Variants in KIF4B observed in about 807,000 individuals in gnomAD.
KIF4B encodes kinesin family member 4B.
KIF4B carries 60 observed loss-of-function variants against 69.0 expected under a neutral mutation model. The observed-to-expected ratio is 0.87, with a 90% CI of 0.71 to 1.08. The LOEUF is 1.08. KIF4B is among the 50% of genes least tolerant of loss of function. The pLI, the probability that KIF4B is intolerant of heterozygous loss-of-function variation, is 0.00. For missense variants in KIF4B, 1,357 were observed against 1,451.9 expected (o/e 0.93, Z 1.06); for synonymous variants, 489 against 533.0 (o/e 0.92, Z 1.14).
Position 155,014,437 on chromosome 5 carries a change from AG to A in KIF4B, c.581del (p.Gly194AlafsTer12), listed in dbSNP as rs745685271. 4.3e-6 allele frequency: 7 copies of A among 1,614,174 alleles called. No homozygotes were observed. The highest frequency in any genetic ancestry group is 3.3e-5 in the Admixed American group (2 of 60,026). On this transcript the variant is annotated frameshift_variant, in exon 1 of 1. Coordinates refer to ENST00000435029, the MANE Select transcript of KIF4B (RefSeq NM_001099293.3). LOFTEE classifies it high-confidence loss of function. ...TTGGATACTGTTTCCTGTTTGGAGC[AG>A]GGCAACAACTCTAGGACTGTGGCCT... Reference protein sequence around the residue: ...VALDTVSCLEQGNNSRTVAST... With the variant: ...VALDTVSCLEXGNNSRTVAST...
rs754582744 is a variant in KIF4B at position 155,017,097 on chromosome 5, G to C, written c.3238G>C (p.Val1080Leu). The C allele has an allele frequency of 6.2e-7, 1 of 1,614,124 alleles. No individual in the cohort carries two copies. Among genetic ancestry groups the C allele is most frequent in the Non-Finnish European group, 8.5e-7 (1 of 1,179,976 alleles). Reference protein sequence around the residue: ...EEWKPTKLVKVSRKNIQGCSC... With the variant: ...EEWKPTKLVKLSRKNIQGCSC... ...ATGGAAGCCAACAAAATTAGTCAAG[G>C]TGTCCAGGAAGAACATCCAAGGGTG... The change falls in exon 1 of 1, where the codon GTG (valine) becomes CTG (leucine). Residue 1080 changes from valine to leucine, a missense_variant. Physicochemically the swap from Val to Leu is conservative, Grantham distance 32 (BLOSUM62 1). Transcript: ENST00000435029.
In KIF4B at chr5:155,017,480, T is replaced by A. The variant is rs1328381226; in HGVS notation, c.3621T>A (p.Pro1207=). 6.2e-7 allele frequency: 1 copy of A among 1,613,832 alleles called. No homozygotes were observed. The highest frequency in any genetic ancestry group is 8.5e-7 in the Non-Finnish European group (1 of 1,179,988). Residue 1207 remains proline, a synonymous_variant, in exon 1 of 1, where the codon CCT becomes CCA. Transcript: ENST00000435029. ...HGATEYQQNK[P]PGKKKKRALA... is the part of the protein sequence containing the mutation. ...CAACAGAATACCAACAAAATAAGCC[T>A]CCAGGGAAGAAAAAGAAACGAGCTC...
At position 155,014,066 on chromosome 5, in the gene KIF4B, A is replaced by T; in HGVS notation, c.207A>T (p.Val69=). 8.7e-6 allele frequency: 14 copies of T among 1,614,230 alleles called. No homozygotes were observed. Among genetic ancestry groups the T allele is most frequent in the Non-Finnish European group, 1.2e-5 (14 of 1,180,038 alleles). The change falls in exon 1 of 1, where the codon GTA becomes GTT. Residue 69 remains valine (V), a synonymous_variant. Transcript: ENST00000435029. ...TEQEEVFNKA[V]APLIKGIFKG... ...AGGAAGAAGTCTTCAATAAAGCAGT[A>T]GCGCCGCTCATAAAAGGCATATTTA...
Position 155,016,600 on chromosome 5 carries a change from C to CAG in KIF4B, c.2744_2745dup (p.Leu916SerfsTer34). On this transcript the variant is annotated frameshift_variant, in exon 1 of 1. Transcript: ENST00000435029. LOFTEE classifies it low-confidence loss of function (END_TRUNC). ...CAAAATCATTTTTCTGAGATAGAGA[C>CAG]AGAGTTACAAGCTGAGCTGGTCAGA... 6.2e-7 allele frequency: 1 copy of CAG among 1,614,150 alleles called. No individual in the cohort carries two copies. The highest frequency in any genetic ancestry group is 8.5e-7 in the Non-Finnish European group (1 of 1,180,032).
In KIF4B at chr5:155,014,882, T is replaced by C; in HGVS notation, c.1023T>C (p.Ile341=). The change falls in exon 1 of 1, where the codon ATT becomes ATC. Residue 341 remains isoleucine (I), a synonymous_variant. Transcript: ENST00000435029. Reference sequence around the variant, plus strand: ...CAAGAAAAATCAAGAACAAACCTATTGTTAATATTGATCCCCACACAGCTG... The same window carrying C: ...CAAGAAAAATCAAGAACAAACCTATCGTTAATATTGATCCCCACACAGCTG... ...DRARKIKNKP[I]VNIDPHTAEL... 1 of 1,614,062 alleles carries C rather than the reference T, an allele frequency of 6.2e-7. No individual in the cohort carries two copies. The highest frequency in any genetic ancestry group is 8.5e-7 in the Non-Finnish European group (1 of 1,180,012).
In KIF4B at chr5:155,015,408, C is replaced by T. The variant is rs769646905; in HGVS notation, c.1549C>T (p.Leu517Phe). 1 of 1,614,184 alleles carries T rather than the reference C, an allele frequency of 6.2e-7. No individual in the cohort carries two copies. Among genetic ancestry groups the T allele is most frequent in the Non-Finnish European group, 8.5e-7 (1 of 1,180,036 alleles). ...SSDAFTTQHA[L>F]HQAQMSKEVV... is the part of the protein sequence containing the mutation. ...TGACGCTTTTACCACTCAGCATGCT[C>T]TCCATCAAGCTCAGATGTCTAAGGA... Residue 517 changes from leucine to phenylalanine, a missense_variant, in exon 1 of 1, where the codon CTC (leucine) becomes TTC (phenylalanine). Coordinates refer to ENST00000435029, the MANE Select transcript of KIF4B (RefSeq NM_001099293.3).
Position 155,017,865 on chromosome 5 carries a change from G to A in KIF4B, c.*301G>A, listed in dbSNP as rs1277449707. 2.6e-6 allele frequency: 1 copy of A among 381,538 alleles called. No individual in the cohort carries two copies. The highest frequency in any genetic ancestry group is 2.1e-5 in the African/African-American group (1 of 48,652). The allele number at this position is 381,538 out of a possible 1,614,324, so 23.6% of individuals were successfully genotyped here. A position where few individuals can be genotyped will look rare whatever the true frequency, so the allele number is the denominator to read the frequency against. ...AGTATGATCAAGTTCCTTCTTATTT[G>A]TGAGCAGTTCAGGCTATCTCCTGAT... On this transcript the variant is annotated 3_prime_UTR_variant, in exon 1 of 1. Transcript: ENST00000435029.
chr5:155,015,992 C>T lies in KIF4B; in HGVS notation c.2133C>T (p.Asn711=), dbSNP rs1184441069. ...RRKTEEAAAA[N]KRLKDALQKQ... ...AAACGGAAGAGGCAGCAGCTGCCAA[C>T]AAGCGACTCAAGGATGCTCTCCAGA... Residue 711 remains asparagine, a synonymous_variant, in exon 1 of 1, where the codon AAC becomes AAT. Coordinates refer to ENST00000435029, the MANE Select transcript of KIF4B (RefSeq NM_001099293.3). The T allele has an allele frequency of 1.9e-6, 3 of 1,614,052 alleles. No individual in the cohort carries two copies. The highest frequency in any genetic ancestry group is 2.5e-6 in the Non-Finnish European group (3 of 1,180,046).
In KIF4B at chr5:155,015,891, C is replaced by A; in HGVS notation, c.2032C>A (p.Arg678=). ...KDKEVIQLKE[R]DRKRQYELLK... ...CAAAGAAGTAATACAGTTGAAAGAA[C>A]GAGACCGTAAGAGGCAATATGAGCT... The change falls in exon 1 of 1, where the codon CGA becomes AGA. Residue 678 remains arginine, a synonymous_variant. Transcript: ENST00000435029. 15 of 1,614,170 alleles carry A rather than the reference C, an allele frequency of 9.3e-6. No homozygotes were observed. The highest frequency in any genetic ancestry group is 1.3e-5 in the African/African-American group (1 of 75,034).
In KIF4B at chr5:155,016,122, G is replaced by A. The variant is rs41390849; in HGVS notation, c.2263G>A (p.Val755Ile). 232,927 of 1,614,012 alleles carry A rather than the reference G, an allele frequency of 0.14. 17,997 individuals are homozygous for A. Among genetic ancestry groups the A allele is most frequent in the South Asian group, 0.2 (18,250 of 91,066 alleles). The change falls in exon 1 of 1, where the codon GTC becomes ATC. Residue 755 changes from valine (V) to isoleucine (I), a missense_variant. By Grantham distance (29) the Val-to-Ile change is conservative (BLOSUM62 3). Transcript: ENST00000435029. ...GCTTGGAAATGAAATTGAGGTTATG[G>A]TCAGTACTGAGGAAGCCAAACGCCA... is the stretch of plus-strand genomic sequence containing the variant. ...NWLGNEIEVMVSTEEAKRHLN... is the reference protein window; with the variant it reads ...NWLGNEIEVMISTEEAKRHLN...
chr5:155,017,495 G>C lies in KIF4B; in HGVS notation c.3636G>C (p.Lys1212Asn). 1 of 1,614,052 alleles carries C rather than the reference G, an allele frequency of 6.2e-7. No individual in the cohort carries two copies. Among genetic ancestry groups the C allele is most frequent in the East Asian group, 2.2e-5 (1 of 44,868 alleles). The change falls in exon 1 of 1, where the codon AAG becomes AAC. Residue 1212 changes from lysine to asparagine, a missense_variant. By Grantham distance (94) the Lys-to-Asn change is moderately conservative. Coordinates refer to ENST00000435029, the MANE Select transcript of KIF4B (RefSeq NM_001099293.3). Reference protein sequence around the residue: ...YQQNKPPGKKKKRALASNTSF... With the variant: ...YQQNKPPGKKNKRALASNTSF... ...AAAATAAGCCTCCAGGGAAGAAAAAGAAACGAGCTCTGGCTAGCAACACCA... is the reference window on the plus strand; with the variant it reads ...AAAATAAGCCTCCAGGGAAGAAAAACAAACGAGCTCTGGCTAGCAACACCA...
rs1244767879 is a variant in KIF4B at position 155,016,776 on chromosome 5, A to T, written c.2917A>T (p.Met973Leu). 6.2e-7 allele frequency: 1 copy of T among 1,614,194 alleles called. No individual in the cohort carries two copies. The highest frequency in any genetic ancestry group is 1.3e-5 in the African/African-American group (1 of 75,056). Residue 973 changes from methionine to leucine, a missense_variant, in exon 1 of 1, where the codon ATG (methionine) becomes TTG (leucine). Met to Leu is a conservative substitution (Grantham distance 15). Coordinates refer to ENST00000435029, the MANE Select transcript of KIF4B (RefSeq NM_001099293.3). ...GTGTCAGGATGAAGAACTTGAGAAGATGCGAGAAGTGTGTGAGCAAAATCA... is the reference window on the plus strand; with the variant it reads ...GTGTCAGGATGAAGAACTTGAGAAGTTGCGAGAAGTGTGTGAGCAAAATCA... ...LQCQDEELEKMREVCEQNQQL... is the reference protein window; with the variant it reads ...LQCQDEELEKLREVCEQNQQL...
chr5:155,015,125 G>C lies in KIF4B; in HGVS notation c.1266G>C (p.Leu422Phe), dbSNP rs1390571720. 6 of 1,614,128 alleles carry C rather than the reference G, an allele frequency of 3.7e-6. No homozygotes were observed. The Admixed American group carries it at 8.3e-5, about 22-fold the overall frequency. ...QTAQMLERII[L>F]TEQVNEKLNA... is the part of the protein sequence containing the mutation. ...CCCAGATGTTGGAGAGGATCATTTT[G>C]ACAGAGCAAGTGAATGAAAAACTGA... Residue 422 changes from leucine to phenylalanine, a missense_variant, in exon 1 of 1, where the codon TTG becomes TTC. By Grantham distance (22) the Leu-to-Phe change is conservative. Coordinates refer to ENST00000435029, the MANE Select transcript of KIF4B (RefSeq NM_001099293.3).
rs1765291031 is a variant in KIF4B, at chr5:155,014,571, C to G, written c.712C>G (p.Leu238Val). ...KNCSFRSKLH[L>V]VDLAGSERQK... The stretch of plus-strand genomic sequence containing the variant: ...TTGCAGCTTTCGCTCCAAGCTGCAT[C>G]TTGTAGATCTCGCTGGATCAGAAAG... Residue 238 changes from leucine to valine, a missense_variant, in exon 1 of 1, where the codon CTT (leucine) becomes GTT (valine). By Grantham distance (32) the Leu-to-Val change is conservative. Transcript: ENST00000435029. 2 of 1,614,130 alleles carry G rather than the reference C, an allele frequency of 1.2e-6. No individual in the cohort carries two copies. The highest frequency in any genetic ancestry group is 1.7e-6 in the Non-Finnish European group (2 of 1,180,004).
Position 155,016,759 on chromosome 5 carries a change from A to T in KIF4B, c.2900A>T (p.Asp967Val), listed in dbSNP as rs770624305. ...CTGGTGAGCACACTGCAGTGTCAGGATGAAGAACTTGAGAAGATGCGAGAA... is the reference window on the plus strand; with the variant it reads ...CTGGTGAGCACACTGCAGTGTCAGGTTGAAGAACTTGAGAAGATGCGAGAA... ...QQLVSTLQCQ[D>V]EELEKMREVC... Residue 967 changes from aspartate to valine, a missense_variant, in exon 1 of 1, where the codon GAT (aspartate) becomes GTT (valine). Transcript: ENST00000435029. 6.2e-7 allele frequency: 1 copy of T among 1,614,174 alleles called. No homozygotes were observed. The highest frequency in any genetic ancestry group is 1.1e-5 in the South Asian group (1 of 91,082).
Position 155,015,251 on chromosome 5 carries a change from G to C in KIF4B, c.1392G>C (p.Glu464Asp). 1.2e-6 allele frequency: 2 copies of C among 1,614,210 alleles called. No individual in the cohort carries two copies. The highest frequency in any genetic ancestry group is 8.5e-7 in the Non-Finnish European group (1 of 1,180,032). ...ACCAGGAATTGAAAGAAAATGTAGA[G>C]ATAATTTGTAACCTGCAGCAACTGA... ...LEDQELKENV[E>D]IICNLQQLIT... Residue 464 changes from glutamate to aspartate, a missense_variant, in exon 1 of 1, where the codon GAG becomes GAC. Glu to Asp is a conservative substitution (Grantham distance 45). Coordinates refer to ENST00000435029, the MANE Select transcript of KIF4B (RefSeq NM_001099293.3).
rs1410139878 is a variant in KIF4B at position 155,016,186 on chromosome 5, A to T, written c.2327A>T (p.Gln776Leu). The T allele has an allele frequency of 6.2e-7, 1 of 1,614,120 alleles. No individual in the cohort carries two copies. The highest frequency in any genetic ancestry group is 1.3e-5 in the African/African-American group (1 of 74,938). The part of the protein sequence containing the change: ...DLLEDRKILA[Q>L]DVVQLKEKKE... ...CTTGAAGACAGAAAGATCCTGGCTC[A>T]GGATGTGGTTCAACTCAAAGAAAAA... The change falls in exon 1 of 1, where the codon CAG becomes CTG. Residue 776 changes from glutamine (Q) to leucine (L), a missense_variant. Coordinates refer to ENST00000435029, the MANE Select transcript of KIF4B (RefSeq NM_001099293.3).
At position 155,015,924 on chromosome 5, in the gene KIF4B, C is replaced by T; in HGVS notation, c.2065C>T (p.Leu689Phe). 1 of 1,614,184 alleles carries T rather than the reference C, an allele frequency of 6.2e-7. No homozygotes were observed. The highest frequency in any genetic ancestry group is 1.1e-5 in the South Asian group (1 of 91,076). The change falls in exon 1 of 1, where the codon CTT becomes TTT. Residue 689 changes from leucine to phenylalanine, a missense_variant. Physicochemically the swap from Leu to Phe is conservative, Grantham distance 22. Transcript: ENST00000435029. ...TAAGAGGCAATATGAGCTGCTCAAA[C>T]TTGAAAGAAACTTCCAGAAACAATC... is the stretch of plus-strand genomic sequence containing the variant. ...DRKRQYELLKLERNFQKQSSV... is the reference protein window; with the variant it reads ...DRKRQYELLKFERNFQKQSSV...
rs376240086 is a variant in KIF4B, at chr5:155,015,452, C to T, written c.1593C>T (p.Asn531=). 1.7e-4 allele frequency: 279 copies of T among 1,614,160 alleles called. No individual in the cohort carries two copies. Among genetic ancestry groups the T allele is most frequent in the Non-Finnish European group, 2.1e-4 (250 of 1,180,040 alleles). Residue 531 remains asparagine (N), a synonymous_variant, in exon 1 of 1, where the codon AAC becomes AAT. Transcript: ENST00000435029. ...CTAAGGAGGTGGTTGAGTTGAATAA[C>T]GCCCTTGCACTGAAAGAGGCCCTAG... ...QMSKEVVELN[N]ALALKEALVR... is the part of the protein sequence containing the mutation.
Sources: allele counts gnomAD v4.1 joint callset, GRCh38; gene constraint gnomAD v4.1.1; transcripts MANE v1.5; gene names NCBI Gene and HGNC (gene_info 2026-07-23, HGNC 2026-07-21).